LNPEP: variants seen among roughly 807,000 people sequenced by gnomAD.
LNPEP encodes leucyl-cystinyl aminopeptidase.
In LNPEP, 64 loss-of-function variants were observed where a neutral mutation model predicts 120.6. That is an observed-to-expected ratio of 0.53 (90% CI 0.43 to 0.65). The LOEUF (loss-of-function observed/expected upper bound fraction) is 0.65, where lower values mean the gene tolerates loss of function less well. Ranked by LOEUF, LNPEP falls within the 30% of genes least tolerant of loss-of-function variation. The probability of loss-of-function intolerance (pLI) is 0.00; values close to 1 mark genes in which losing one functional copy is unlikely to be tolerated. For missense variants in LNPEP, 1,057 were observed against 1,200.0 expected (o/e 0.88, Z 1.76); for synonymous variants, 435 against 425.4 (o/e 1.02, Z -0.28).
chr5:96,950,698 T>C (rs1262938057), intron 1 of LNPEP, among the ~76,000 whole-genome samples: 3 of 152,254 alleles, frequency 2.0e-5, no homozygotes, highest in African/African-American at 7.2e-5. Flanking sequence ...GTTTCTGTAC[T>C]GATGTTAATC....
chr5:97,008,891 A>C (rs1790859141), intron 11 of LNPEP, among the ~76,000 whole-genome samples: 1 of 151,802 alleles, frequency 6.6e-6, no homozygotes, highest in South Asian at 2.1e-4. Context: ...TGACCTCGTG[A>C]TCCGCCCACC....
chr5:96,984,090 CTT>C (rs1790186029), intron 2 of LNPEP, among the ~76,000 whole-genome samples: 1 of 152,184 alleles, frequency 6.6e-6, no homozygotes, highest in Non-Finnish European at 1.5e-5. Context: ...GCACTGCTCT[CTT>C]GTGTTCCCGG....
chr5:96,945,543 CCTG>C (rs1285134039), intron 1 of LNPEP, among the ~76,000 whole-genome samples: 1 of 151,970 alleles, frequency 6.6e-6, no homozygotes, highest in Non-Finnish European at 1.5e-5. Flanking sequence ...TCTTTCACAG[CCTG>C]CTATCTGTTG....
chr5:97,011,230 G>A lies in LNPEP; in HGVS notation c.2036-2418G>A, dbSNP rs556971224. The stretch of plus-strand genomic sequence containing the variant: ...TTCTGGGGTTGTTTCTTTTCTTTAC[G>A]TTTGTTTTTATTAGAGACAGGGTCC... On this transcript the variant is annotated intron_variant, in intron 11 of 17. Coordinates refer to ENST00000231368, the MANE Select transcript of LNPEP (RefSeq NM_005575.3). 1.6e-4 allele frequency: 158 copies of A among 980,204 alleles called. 1 individual carries two copies. The highest frequency in any genetic ancestry group is 1.7e-4 in the Non-Finnish European group (139 of 825,384). 60.7% of individuals were successfully genotyped at this position (980,204 alleles called of 1,614,324 possible). A position where few individuals can be genotyped will look rare whatever the true frequency, so the allele number is the denominator to read the frequency against.
chr5:96,940,185 T>A (rs899953947), intron 1 of LNPEP, among the ~76,000 whole-genome samples: 1 of 152,196 alleles, frequency 6.6e-6, no homozygotes, highest in Non-Finnish European at 1.5e-5. Flanking sequence ...AGTTCTTTGC[T>A]ATTACTTGCC....
At chr5:96,970,030 C>T (rs533122518) in intron 1 of LNPEP, among the ~76,000 whole-genome samples, 1 of 151,422 alleles carries the variant, frequency 6.6e-6, no homozygotes, top group African/African-American at 2.4e-5. Flanking sequence ...TAATTGTTTC[C>T]ATTGTGTTTA....
Position 96,979,221 on chromosome 5 carries a change from T to A in LNPEP, c.103T>A (p.Cys35Ser). 3 of 1,613,932 alleles carry A rather than the reference T, an allele frequency of 1.9e-6. No individual in the cohort carries two copies. The highest frequency in any genetic ancestry group is 2.5e-6 in the Non-Finnish European group (3 of 1,179,876). The change falls in exon 2 of 18, where the codon TGT becomes AGT. Residue 35 changes from cysteine to serine, a missense_variant. Physicochemically the swap from Cys to Ser is moderately radical, Grantham distance 112. Transcript: ENST00000231368. ...PDVVDLAKEPCLHPLEPDEVE... is the reference protein window; with the variant it reads ...PDVVDLAKEPSLHPLEPDEVE... ...TGTGGTGGATTTAGCCAAAGAGCCT[T>A]GTTTACATCCTCTAGAGCCTGATGA... is the stretch of plus-strand genomic sequence containing the variant.
Position 96,951,016 on chromosome 5 carries a change from A to G in LNPEP, c.19+14842A>G, listed in dbSNP as rs371802406. Among the ~76,000 whole-genome samples, 18 of 152,318 alleles carry G rather than the reference A, an allele frequency of 1.2e-4. No individual in the cohort carries two copies. The East Asian group carries it at 2.1e-3, about 18-fold the overall frequency. On this transcript the variant is annotated intron_variant, in intron 1 of 17. Coordinates refer to ENST00000231368, the MANE Select transcript of LNPEP (RefSeq NM_005575.3). ...ACTAGTCCAAGATCAAGGGGCCACCATAGTTAGTTTCTGGTGAGGGCTCTC... is the reference window on the plus strand; with the variant it reads ...ACTAGTCCAAGATCAAGGGGCCACCGTAGTTAGTTTCTGGTGAGGGCTCTC...
chr5:97,013,255 C>A (rs942874084), intron 11 of LNPEP, among the ~76,000 whole-genome samples: 1 of 152,148 alleles, frequency 6.6e-6, no homozygotes, highest in African/African-American at 2.4e-5. Flanking sequence ...TCCAAGAAAT[C>A]GCTCCTAACT....
intron 7 of LNPEP, 121 bp downstream of exon 7, chr5:96,996,624 C>T (rs925183096): frequency 3.3e-6 from 2 of 611,048 alleles, no homozygotes; most frequent in African/African-American, 3.7e-5. Flanking sequence ...GTATGCCAAA[C>T]TTGACTTTGG....
In LNPEP at chr5:96,993,025, A is replaced by G; in HGVS notation, c.1142A>G (p.Tyr381Cys). ...AATGTTTTCCTTTAGGTTTCTATAT[A>G]TGCTGTACCAGAAAAGATTGGTCAA... ...QDVNGTLVSIYAVPEKIGQVH... is the reference protein window; with the variant it reads ...QDVNGTLVSICAVPEKIGQVH... The change falls in exon 5 of 18, where the codon TAT (tyrosine) becomes TGT (cysteine). Residue 381 changes from tyrosine (Y) to cysteine (C), a missense_variant. Physicochemically the swap from Tyr to Cys is radical, Grantham distance 194. Transcript: ENST00000231368. 2 of 1,590,574 alleles carry G rather than the reference A, an allele frequency of 1.3e-6. No homozygotes were observed. Among genetic ancestry groups the G allele is most frequent in the Non-Finnish European group, 1.7e-6 (2 of 1,167,374 alleles).
intron 1 of LNPEP, among the ~76,000 whole-genome samples, chr5:96,940,041 TTCTG>T (rs1439918912): frequency 2.6e-5 from 4 of 152,212 alleles, no homozygotes; most frequent in African/African-American, 9.6e-5. Flanking sequence ...GTTTTTATCT[TTCTG>T]TCTTAAGTTT....
intron 1 of LNPEP, among the ~76,000 whole-genome samples, chr5:96,975,756 T>C (rs1479996754): frequency 2.0e-5 from 3 of 152,194 alleles, no homozygotes; most frequent in African/African-American, 7.2e-5. Context: ...CTCTGTCAAA[T>C]TGTCATAAAA....
chr5:97,026,427 T>C (rs560316461), intron 15 of LNPEP, among the ~76,000 whole-genome samples, 190 bp from the exon 16 acceptor site: 1 of 152,338 alleles, frequency 6.6e-6, no homozygotes, highest in Admixed American at 6.5e-5. Flanking sequence ...CCTATTTTAT[T>C]GGTGAGTTCT....
chr5:96,979,603 C>T lies in LNPEP; in HGVS notation c.485C>T (p.Pro162Leu). 1 of 1,614,036 alleles carries T rather than the reference C, an allele frequency of 6.2e-7. No individual in the cohort carries two copies. Among genetic ancestry groups the T allele is most frequent in the Non-Finnish European group, 8.5e-7 (1 of 1,179,962 alleles). ...QPFATNGKLF[P>L]WAQIRLPTAV... ...TTTGCAACAAATGGGAAATTGTTTC[C>T]ATGGGCACAGATCAGGCTTCCCACT... Residue 162 changes from proline to leucine, a missense_variant, in exon 2 of 18, where the codon CCA becomes CTA. Pro to Leu is a moderately conservative substitution (Grantham distance 98). Coordinates refer to ENST00000231368, the MANE Select transcript of LNPEP (RefSeq NM_005575.3).
intron 6 of LNPEP, 87 bp from the exon 7 acceptor site, chr5:96,996,293 CAGGTTATAGA>C: frequency 1.5e-6 from 1 of 685,050 alleles, no homozygotes; most frequent in Non-Finnish European, 2.6e-6. Flanking sequence ...ATATTGTAAT[CAGGTTATAGA>C]TAATTAATAT....
At chr5:96,982,573 A>G (rs1002154392) in intron 2 of LNPEP, among the ~76,000 whole-genome samples, 1 of 152,210 alleles carries the variant, frequency 6.6e-6, no homozygotes, top group African/African-American at 2.4e-5. Flanking sequence ...TTGTATGAAT[A>G]GTAGGGATAA....
At chr5:97,009,914 A>G (rs1790884034) in intron 11 of LNPEP, among the ~76,000 whole-genome samples, 1 of 152,078 alleles carries the variant, frequency 6.6e-6, no homozygotes, top group African/African-American at 2.4e-5. Flanking sequence ...AGTATAGTGT[A>G]TTATTTTGAT....
chr5:96,967,042 A>G (rs914733264), intron 1 of LNPEP, among the ~76,000 whole-genome samples: 1 of 152,108 alleles, frequency 6.6e-6, no homozygotes, highest in African/African-American at 2.4e-5. Context: ...AGCTGGAACA[A>G]TGTCCGTGGA....
Sources: allele counts gnomAD v4.1 joint callset (sites outside exome capture counted in the v4.1 genomes callset), GRCh38; gene constraint gnomAD v4.1.1; transcripts MANE v1.5; gene names NCBI Gene and HGNC (gene_info 2026-07-23, HGNC 2026-07-21).